The following HECW2 variants were observed in gnomAD, a reference collection of about 807,000 sequenced individuals.
HECW2 encodes HECT, C2 and WW domain containing E3 ubiquitin protein ligase 2.
Under a neutral mutation model 175.2 loss-of-function variants are expected in HECW2, and 61 were observed. That is an observed-to-expected ratio of 0.35 (90% CI 0.28 to 0.43). The LOEUF (loss-of-function observed/expected upper bound fraction) is 0.43, where lower values mean the gene tolerates loss of function less well. Ranked by LOEUF, HECW2 falls within the 20% of genes least tolerant of loss-of-function variation. The probability of loss-of-function intolerance (pLI) is 1.00; values close to 1 mark genes in which losing one functional copy is unlikely to be tolerated. For synonymous variants in HECW2, 671 were observed against 731.0 expected, an observed-to-expected ratio of 0.92 and a Z score of 1.32; for missense variants, 1,524 against 2,000.5, an observed-to-expected ratio of 0.76 and a Z score of 4.54.
intron 2 of HECW2, among the ~76,000 whole-genome samples, chr2:196,414,491 G>A (rs1695200135): frequency 6.6e-6 from 1 of 152,212 alleles, no homozygotes; most frequent in Non-Finnish European, 1.5e-5. Context: ...ATGATCTGGT[G>A]CGAACATTCT....
In HECW2 at chr2:196,275,555, C is replaced by T. The variant is rs570552781; in HGVS notation, c.3136-1432G>A. ...GATTACAAGGTCAACAGATCGAGAC[C>T]ATCCTGGCCAACATGGTGAAACCCC... On this transcript the variant is annotated intron_variant, in intron 15 of 28. Transcript: ENST00000644978. 9.9e-5 allele frequency among the ~76,000 whole-genome samples: 15 copies of T among 152,156 alleles called. No individual in the cohort carries two copies. The East Asian group carries it at 1.4e-3, about 14-fold the overall frequency.
intron 25 of HECW2, 114 bp from the exon 26 acceptor site, chr2:196,220,267 T>G (rs1427662238): frequency 4.4e-6 from 3 of 681,922 alleles, no homozygotes; most frequent in Non-Finnish European, 7.8e-6. Context: ...GTGTGTACCT[T>G]GTGTTGGCAC....
At position 196,271,584 on chromosome 2, in the gene HECW2, G is replaced by T. The variant is rs527471039; in HGVS notation, c.3239-295C>A. On this transcript the variant is annotated intron_variant, in intron 16 of 28. Transcript: ENST00000644978. ...ATTACAGGTGTAAGCCACTGTGCCC[G>T]GCCTATAAATCCAAACTTTTCAAAA... Among the ~76,000 whole-genome samples, 23 of 152,114 alleles carry T rather than the reference G, an allele frequency of 1.5e-4. No individual in the cohort carries two copies. In the South Asian group the frequency reaches 3.1e-3, roughly 21 times the overall value.
chr2:196,582,583 T>G (rs1275696333), intron 1 of HECW2, among the ~76,000 whole-genome samples: 1 of 152,224 alleles, frequency 6.6e-6, no homozygotes, highest in Non-Finnish European at 1.5e-5. Flanking sequence ...CTCCCTTCTT[T>G]TACGTCTTTT....
chr2:196,254,050 A>G, intron 18 of HECW2, 21 bp from the exon 19 acceptor site: 2 of 1,612,166 alleles, frequency 1.2e-6, no homozygotes, highest in Non-Finnish European at 1.7e-6. Context: ...ACAAGAAACA[A>G]AACGGGCACT....
chr2:196,220,181 G>A, intron 25 of HECW2, 28 bp from the exon 26 acceptor site: 1 of 1,411,686 alleles, frequency 7.1e-7, no homozygotes, highest in Non-Finnish European at 1.0e-6. Flanking sequence ...TACAAGGCAT[G>A]GCTTAGGAGC....
chr2:196,267,014 T>C (rs1689543346), intron 17 of HECW2, among the ~76,000 whole-genome samples: 1 of 152,176 alleles, frequency 6.6e-6, no homozygotes, highest in Non-Finnish European at 1.5e-5. Flanking sequence ...TATGGAATGA[T>C]CTAATCTACC....
At chr2:196,292,434 A>C in intron 14 of HECW2, 131 bp downstream of exon 14, 2 of 739,296 alleles carry the variant, frequency 2.7e-6, no homozygotes, top group South Asian at 3.7e-5. Context: ...TCCAGGTTTC[A>C]CTTGAACAGA....
chr2:196,242,070 T>C lies in HECW2; in HGVS notation c.3650+14A>G. ...CCATCTATACATTATGTGGTTTGTGTCACTTTGACTTACTTTAACTTCCCT... is the reference window on the plus strand; with the variant it reads ...CCATCTATACATTATGTGGTTTGTGCCACTTTGACTTACTTTAACTTCCCT... On this transcript the variant is annotated intron_variant, in intron 20 of 28. Transcript: ENST00000644978. 1.2e-6 allele frequency: 2 copies of C among 1,613,662 alleles called. No homozygotes were observed. The highest frequency in any genetic ancestry group is 1.7e-6 in the Non-Finnish European group (2 of 1,179,578).
chr2:196,527,659 T>C (rs1688714790), intron 1 of HECW2, among the ~76,000 whole-genome samples: 1 of 152,172 alleles, frequency 6.6e-6, no homozygotes, highest in African/African-American at 2.4e-5. Context: ...TATTTTTATG[T>C]TGAAACAAAA....
At chr2:196,414,989 T>TG (rs1293891301) in intron 2 of HECW2, among the ~76,000 whole-genome samples, 2 of 152,110 alleles carry the variant, frequency 1.3e-5, no homozygotes, top group Non-Finnish European at 2.9e-5. Flanking sequence ...GAAGTACCCC[T>TG]GCTGAGGCCC....
intron 5 of HECW2, among the ~76,000 whole-genome samples, chr2:196,328,239 A>G (rs1692227735): frequency 6.6e-6 from 1 of 152,180 alleles, no homozygotes; most frequent in South Asian, 2.1e-4. Flanking sequence ...TCCAGCCAAA[A>G]TGTTTTTAGG....
At chr2:196,585,895 T>A (rs1401640069) in intron 1 of HECW2, among the ~76,000 whole-genome samples, 2 of 152,116 alleles carry the variant, frequency 1.3e-5, no homozygotes, top group African/African-American at 4.8e-5. Flanking sequence ...TTAAGAAAGA[T>A]CATATCCAAC....
At chr2:196,227,978 A>G (rs1440709034) in intron 22 of HECW2, 124 bp downstream of exon 22, 6 of 833,500 alleles carry the variant, frequency 7.2e-6, no homozygotes, top group Non-Finnish European at 1.1e-5. Flanking sequence ...CAAATGAGGT[A>G]TTTAACTGAA....
Position 196,583,883 on chromosome 2 carries a change from A to C in HECW2, c.-36+9625T>G, listed in dbSNP as rs1690881506. ...TAAAATCTAGGTGGCAAGAAGACTAATGGAAAACAATAACTAGTGTACCAC... is the reference window on the plus strand; with the variant it reads ...TAAAATCTAGGTGGCAAGAAGACTACTGGAAAACAATAACTAGTGTACCAC... On this transcript the variant is annotated intron_variant, in intron 1 of 28. Coordinates refer to ENST00000644978, the MANE Select transcript of HECW2 (RefSeq NM_001348768.2). 2.0e-5 allele frequency among the ~76,000 whole-genome samples: 3 copies of C among 152,340 alleles called. No individual in the cohort carries two copies. The South Asian group carries it at 6.2e-4, about 32-fold the overall frequency.
At chr2:196,529,358 A>C (rs1688769325) in intron 1 of HECW2, among the ~76,000 whole-genome samples, 1 of 152,152 alleles carries the variant, frequency 6.6e-6, no homozygotes, top group African/African-American at 2.4e-5. Context: ...AATTATTATT[A>C]ATACATTTAA....
Position 196,343,693 on chromosome 2 carries a change from C to T in HECW2, c.364G>A (p.Val122Ile), listed in dbSNP as rs751011133. The T allele has an allele frequency of 6.2e-7, 1 of 1,613,730 alleles. No individual in the cohort carries two copies. The highest frequency in any genetic ancestry group is 2.2e-5 in the East Asian group (1 of 44,868). ...TAGGGCCCAGGCTCAATTCTCCATA[C>T]AATTTGCCCTTTTTGTGTTCCAGTC... Reference protein sequence around the residue: ...GVTGTQKGQIVWRIEPGPYFM... With the variant: ...GVTGTQKGQIIWRIEPGPYFM... Residue 122 changes from valine to isoleucine, a missense_variant, in exon 3 of 29, where the codon GTA becomes ATA. Coordinates refer to ENST00000644978, the MANE Select transcript of HECW2 (RefSeq NM_001348768.2).
intron 17 of HECW2, among the ~76,000 whole-genome samples, chr2:196,258,491 T>C (rs138760016): frequency 1.1e-3 from 169 of 152,276 alleles, no homozygotes; most frequent in Non-Finnish European, 2.0e-3. Context: ...GTTGGTGAAA[T>C]AGATTGTGTG....
rs112040100 is a variant in HECW2, at chr2:196,514,700, C to T, written c.-36+78808G>A. Reference sequence around the variant, plus strand: ...CAACCCCCCTGAGGACAGGAGCTACCGACTCTGGGTCTCCTCTCCAAGGAG... The same window carrying T: ...CAACCCCCCTGAGGACAGGAGCTACTGACTCTGGGTCTCCTCTCCAAGGAG... On this transcript the variant is annotated intron_variant, in intron 1 of 28. Transcript: ENST00000644978. Among the ~76,000 whole-genome samples the T allele has an allele frequency of 3.0e-3, 462 of 152,280 alleles. 1 individual carries two copies. Among genetic ancestry groups the T allele is most frequent in the African/African-American group, 0.01 (421 of 41,558 alleles).
Sources: gnomAD v4.1 joint callset for allele counts (sites outside exome capture counted in the v4.1 genomes callset) on GRCh38, gnomAD v4.1.1 for gene constraint, MANE v1.5 for transcripts, NCBI Gene and HGNC (gene_info 2026-07-23, HGNC 2026-07-21) for gene names.